The following DHX36 variants were observed in gnomAD, a reference collection of about 807,000 sequenced individuals.
DHX36 encodes ATP-dependent DNA/RNA helicase DHX36.
DHX36 carries 50 observed loss-of-function variants against 139.0 expected under a neutral mutation model. The ratio of observed to expected loss-of-function variants is 0.36; its 90% CI spans 0.29 to 0.46. The LOEUF (loss-of-function observed/expected upper bound fraction) is 0.46, where lower values mean the gene tolerates loss of function less well. Among genes scored for constraint, DHX36 ranks in the 20% least tolerant of loss-of-function variants. DHX36 has a pLI of 1.00. For missense variants in DHX36, 1,024 were observed against 1,211.3 expected, an observed-to-expected ratio of 0.85 and a Z score of 2.29; for synonymous variants, 425 against 401.9, an observed-to-expected ratio of 1.06 and a Z score of -0.69.
In DHX36 at chr3:154,284,568, ATT is replaced by A. The variant is rs200020002; in HGVS notation, c.2292+13_2292+14del. The A allele has an allele frequency of 4.9e-5, 65 of 1,323,348 alleles. No homozygotes were observed. The highest frequency in any genetic ancestry group is 2.6e-4 in the Admixed American group (12 of 45,540). 82.0% of individuals were successfully genotyped at this position (1,323,348 alleles called of 1,614,324 possible). On this transcript the variant is annotated intron_variant, in intron 19 of 24. Coordinates refer to ENST00000496811, the MANE Select transcript of DHX36 (RefSeq NM_020865.3). Reference sequence around the variant, plus strand: ...ATAAACTATCATAATCCAGGACAAAATTTTTTTTTTTTACCTCAAACGCATTC... The same window carrying A: ...ATAAACTATCATAATCCAGGACAAAATTTTTTTTTTACCTCAAACGCATTC...
chr3:154,295,596 G>A (rs949695639), intron 12 of DHX36, among the ~76,000 whole-genome samples: 3 of 152,104 alleles, frequency 2.0e-5, no homozygotes, highest in South Asian at 2.1e-4. Context: ...TTTTCTGAGC[G>A]CTCCAAGTTC....
intron 4 of DHX36, 51 bp downstream of exon 4, chr3:154,311,585 T>C (rs1196250080): frequency 4.0e-6 from 6 of 1,490,378 alleles, no homozygotes; most frequent in East Asian, 2.4e-5. Context: ...TTAAAAAAAA[T>C]TGTGTATTTA....
chr3:154,281,818 C>A (rs1055099773), intron 20 of DHX36, among the ~76,000 whole-genome samples: 1 of 152,030 alleles, frequency 6.6e-6, no homozygotes, highest in Non-Finnish European at 1.5e-5. Flanking sequence ...TCTTTACATT[C>A]TATTTTGCAT....
chr3:154,289,965 AT>A, intron 15 of DHX36, 139 bp from the exon 16 acceptor site: 1 of 554,246 alleles, frequency 1.8e-6, no homozygotes, highest in East Asian at 2.9e-5. Context: ...GTACGTAATT[AT>A]TTTTTCCTTT....
intron 23 of DHX36, 110 bp from the exon 24 acceptor site, chr3:154,277,009 T>C: frequency 1.1e-6 from 1 of 916,538 alleles, no homozygotes. Flanking sequence ...TTCTAAAATA[T>C]TAACCTTCTA....
At chr3:154,317,660 CTGTATCCAACAACTAGGCAGTTGGGAA>C (rs1212156960) in intron 1 of DHX36, among the ~76,000 whole-genome samples, 1 of 152,034 alleles carries the variant, frequency 6.6e-6, no homozygotes, top group East Asian at 1.9e-4. Context: ...AAAATTACTA[CTGTATCCAACAACTAGGCAGTTGGGAA>C]TGATCTTCAA....
chr3:154,292,762 T>C (rs897545863), intron 14 of DHX36, 68 bp from the exon 15 acceptor site: 139 of 1,420,864 alleles, frequency 9.8e-5, no homozygotes, highest in Non-Finnish European at 1.2e-4. Flanking sequence ...CACACACACA[T>C]CGAAAGCACT....
intron 22 of DHX36, 43 bp from the exon 23 acceptor site, chr3:154,277,761 C>T: frequency 6.6e-7 from 1 of 1,515,908 alleles, no homozygotes; most frequent in Middle Eastern, 1.8e-4. Flanking sequence ...AAGAAGTCTT[C>T]TAGAGGATTT....
rs374491070 is a variant in DHX36 at position 154,306,239 on chromosome 3, A to G, written c.870T>C (p.Thr290=). 2 of 1,613,514 alleles carry G rather than the reference A, an allele frequency of 1.2e-6. No individual in the cohort carries two copies. The highest frequency in any genetic ancestry group is 2.2e-5 in the East Asian group (1 of 44,842). The change falls in exon 6 of 25, where the codon ACT becomes ACC. Residue 290 remains threonine (T), a synonymous_variant. Coordinates refer to ENST00000496811, the MANE Select transcript of DHX36 (RefSeq NM_020865.3). The part of the protein sequence containing the change: ...RAESCGSGNS[T]GYQIRLQSRL... ...ACCTCTGGAGACGAATTTGATATCC[A>G]GTACTATTACCACTGCCACAAGATT...
Position 154,277,558 on chromosome 3 carries a change from C to A in DHX36, c.2688+40G>T, listed in dbSNP as rs993983573. ...ACACAATCATAAAAATACAATGAGA[C>A]TGATAATCAGATCCTTAATTATTTT... is the stretch of plus-strand genomic sequence containing the variant. On this transcript the variant is annotated intron_variant, in intron 23 of 24. Coordinates refer to ENST00000496811, the MANE Select transcript of DHX36 (RefSeq NM_020865.3). 7 of 1,553,798 alleles carry A rather than the reference C, an allele frequency of 4.5e-6. No homozygotes were observed. The East Asian group carries it at 6.8e-5, about 15-fold the overall frequency.
intron 9 of DHX36, 152 bp from the exon 10 acceptor site, chr3:154,301,279 G>A: frequency 1.3e-6 from 1 of 758,740 alleles, no homozygotes; most frequent in East Asian, 2.8e-5. Flanking sequence ...ATATCAGTTT[G>A]TGTTCATTAA....
chr3:154,300,851 G>A, intron 10 of DHX36, 136 bp downstream of exon 10: 3 of 1,351,704 alleles, frequency 2.2e-6, no homozygotes, highest in Non-Finnish European at 2.1e-6. Context: ...AGTCAAATCA[G>A]CACAATATTT....
chr3:154,277,765 A>G, intron 22 of DHX36, 47 bp from the exon 23 acceptor site: 2 of 1,508,192 alleles, frequency 1.3e-6, no homozygotes, highest in East Asian at 4.6e-5. Context: ...AGTCTTCTAG[A>G]GGATTTTCTT....
chr3:154,310,505 G>A (rs9820619), intron 4 of DHX36, among the ~76,000 whole-genome samples: 1 of 151,128 alleles, frequency 6.6e-6, no homozygotes, highest in Admixed American at 6.6e-5. Flanking sequence ...CACTTAGGCC[G>A]GGCATGGTGG....
chr3:154,283,600 CTA>C (rs1719405602), intron 19 of DHX36, among the ~76,000 whole-genome samples: 1 of 151,362 alleles, frequency 6.6e-6, no homozygotes, highest in Admixed American at 6.6e-5. Flanking sequence ...GACTTAAATG[CTA>C]TTATATATTT....
chr3:154,274,308 CA>C lies in DHX36; in HGVS notation c.*1862del. ...GGGTGACAGGGCAAGACACTGTCTC[CA>C]AAAAACAAAAAACAAAACAAAACAA... On this transcript the variant is annotated 3_prime_UTR_variant, in exon 25 of 25. Transcript: ENST00000496811. The C allele has an allele frequency of 2.2e-5, 4 of 185,834 alleles. No homozygotes were observed. Among genetic ancestry groups the C allele is most frequent in the South Asian group, 2.2e-4 (2 of 9,108 alleles). 11.5% of individuals were successfully genotyped at this position (185,834 alleles called of 1,614,324 possible). A position where few individuals can be genotyped will look rare whatever the true frequency, so the allele number is the denominator to read the frequency against.
Position 154,301,071 on chromosome 3 carries a change from C to T in DHX36, c.1274G>A (p.Gly425Glu). ...RSQFKRGFMQ[G>E]HVNRQEKEEK... ...TTCTTTTTCTTGTCTATTTACATGC[C>T]CTTGCATGAAACCCCTCTTAAACTG... Residue 425 changes from glycine to glutamate, a missense_variant, in exon 10 of 25, where the codon GGG becomes GAG. Gly to Glu is a moderately conservative substitution (Grantham distance 98). Coordinates refer to ENST00000496811, the MANE Select transcript of DHX36 (RefSeq NM_020865.3). 1.2e-6 allele frequency: 2 copies of T among 1,612,578 alleles called. No individual in the cohort carries two copies. Among genetic ancestry groups the T allele is most frequent in the Non-Finnish European group, 1.7e-6 (2 of 1,179,594 alleles).
At chr3:154,323,543 T>A (rs956758128) in intron 1 of DHX36, among the ~76,000 whole-genome samples, 1 of 152,140 alleles carries the variant, frequency 6.6e-6, no homozygotes, top group African/African-American at 2.4e-5. Flanking sequence ...AACCTGACAA[T>A]CACCTGAAGA....
In DHX36 at chr3:154,315,145, C is replaced by G; in HGVS notation, c.504G>C (p.Glu168Asp). ...CTGGTTCATTTTCTTGCAAGAGATACTCAGAATCTCGGTCAATATATGATC... is the reference window on the plus strand; with the variant it reads ...CTGGTTCATTTTCTTGCAAGAGATAGTCAGAATCTCGGTCAATATATGATC... ...RNRSYIDRDS[E>D]YLLQENEPDG... is the part of the protein sequence containing the mutation. The change falls in exon 3 of 25, where the codon GAG becomes GAC. Residue 168 changes from glutamate (E) to aspartate (D), a missense_variant. Around this residue, in one of 4 missense-constraint regions of DHX36, gnomAD observed 293 missense variants for 274.4 expected, o/e 1.07. Coordinates refer to ENST00000496811, the MANE Select transcript of DHX36 (RefSeq NM_020865.3). 2.5e-6 allele frequency: 4 copies of G among 1,613,412 alleles called. No individual in the cohort carries two copies. Among genetic ancestry groups the G allele is most frequent in the Non-Finnish European group, 3.4e-6 (4 of 1,179,680 alleles).
Sources: allele counts gnomAD v4.1 joint callset (sites outside exome capture counted in the v4.1 genomes callset), GRCh38; gene constraint gnomAD v4.1.1; regional missense constraint gnomAD v4.1.1; transcripts MANE v1.5; gene names NCBI Gene and HGNC (gene_info 2026-07-23, HGNC 2026-07-21).